Variants in CDH8 observed in about 807,000 individuals in gnomAD.
CDH8 encodes the protein cadherin-8.
CDH8 carries 17 observed loss-of-function variants against 68.1 expected under a neutral mutation model. That is an observed-to-expected ratio of 0.25 (90% CI 0.17 to 0.37). The LOEUF (loss-of-function observed/expected upper bound fraction) is 0.37. Among genes scored for constraint, CDH8 ranks in the 10% least tolerant of loss-of-function variants. CDH8 has a pLI of 1.00. For synonymous variants in CDH8, 372 were observed against 365.1 expected (o/e 1.02, Z -0.21); for missense variants, 763 against 999.3 (o/e 0.76, Z 3.19).
At chr16:61,857,421 G>C (rs1162141794) in intron 3 of CDH8, among the ~76,000 whole-genome samples, 183 bp from the exon 4 acceptor site, 1 of 152,098 alleles carries the variant, frequency 6.6e-6, no homozygotes, top group Admixed American at 6.6e-5. Flanking sequence ...TCTTTTAAAA[G>C]AAAGAGTCCT....
At chr16:61,659,491 A>G (rs1478882892) in intron 10 of CDH8, among the ~76,000 whole-genome samples, 1 of 152,172 alleles carries the variant, frequency 6.6e-6, no homozygotes, top group Non-Finnish European at 1.5e-5. Context: ...TTACTGTTCA[A>G]GCTAAGTTCT....
chr16:62,028,096 C>T (rs1370135354), intron 1 of CDH8, among the ~76,000 whole-genome samples: 4 of 135,508 alleles, frequency 3.0e-5, no homozygotes, highest in African/African-American at 1.1e-4. Flanking sequence ...TGGAGTTTCA[C>T]TCTTGTTGCC....
At position 61,648,080 on chromosome 16, in the gene CDH8, G is replaced by A. The variant is rs887502471; in HGVS notation, c.*5528C>T. 3 of 495,312 alleles carry A rather than the reference G, an allele frequency of 6.1e-6. No homozygotes were observed. The highest frequency in any genetic ancestry group is 7.2e-5 in the Admixed American group (2 of 27,966). 30.7% of individuals were successfully genotyped at this position (495,312 alleles called of 1,614,324 possible). ...GATGAAACTTCCACACATAAAGGAA[G>A]GAGGAGAATACATACAAAAACACTT... On this transcript the variant is annotated 3_prime_UTR_variant, in exon 12 of 12. Transcript: ENST00000577390.
intron 2 of CDH8, among the ~76,000 whole-genome samples, chr16:61,901,944 C>G (rs917970920): frequency 2.0e-5 from 3 of 152,078 alleles, no homozygotes; most frequent in Non-Finnish European, 4.4e-5. Flanking sequence ...CTGAACGAGG[C>G]ACATATTTAC....
intron 8 of CDH8, among the ~76,000 whole-genome samples, chr16:61,739,734 A>AAAAAAGAAAAGAAAAGAAAAG (rs771933210): frequency 1.4e-5 from 2 of 142,022 alleles, no homozygotes; most frequent in African/African-American, 5.2e-5. Flanking sequence ...CCTCAAAAAA[A>AAAAAAGAAAAGAAAAGAAAAG]AAAAGAAAAG....
chr16:61,801,420 G>A (rs1045780329), intron 7 of CDH8, among the ~76,000 whole-genome samples: 1 of 152,208 alleles, frequency 6.6e-6, no homozygotes, highest in Non-Finnish European at 1.5e-5. Context: ...GTGGATTTGG[G>A]AGCTGGACAG....
chr16:61,838,814 T>G (rs1474660380), intron 4 of CDH8, among the ~76,000 whole-genome samples: 1 of 152,162 alleles, frequency 6.6e-6, no homozygotes, highest in Non-Finnish European at 1.5e-5. Context: ...TCTTCAAATC[T>G]GACATTTATG....
chr16:61,745,028 T>A (rs957861250), intron 8 of CDH8, among the ~76,000 whole-genome samples: 1 of 151,388 alleles, frequency 6.6e-6, no homozygotes, highest in African/African-American at 2.4e-5. Context: ...GGTTTTCATT[T>A]TTTTTTTTTA....
intron 2 of CDH8, among the ~76,000 whole-genome samples, chr16:61,982,509 G>A (rs2150583587): frequency 6.6e-6 from 1 of 152,172 alleles, no homozygotes; most frequent in South Asian, 2.1e-4. Flanking sequence ...GTGAACCACC[G>A]CGCCCGGCTA....
intron 3 of CDH8, among the ~76,000 whole-genome samples, chr16:61,858,559 T>C (rs1457216992): frequency 9.9e-5 from 15 of 152,204 alleles, no homozygotes; most frequent in Non-Finnish European, 1.5e-5. Context: ...GACGATTTAA[T>C]GAGAAACAGC....
chr16:62,010,732 A>T (rs946231118), intron 2 of CDH8, among the ~76,000 whole-genome samples: 4 of 152,168 alleles, frequency 2.6e-5, no homozygotes, highest in Non-Finnish European at 5.9e-5. Flanking sequence ...TGAGGTTGGC[A>T]GTTCGAGACC....
intron 2 of CDH8, among the ~76,000 whole-genome samples, chr16:62,006,837 A>C (rs1018941882): frequency 6.6e-6 from 1 of 152,142 alleles, no homozygotes; most frequent in African/African-American, 2.4e-5. Context: ...TTTATACCCA[A>C]ATATACTAGA....
chr16:61,879,682 C>T (rs549207020), intron 3 of CDH8, among the ~76,000 whole-genome samples: 6 of 152,194 alleles, frequency 3.9e-5, no homozygotes, highest in Admixed American at 6.5e-5. Context: ...TCAGAGAGAA[C>T]GTTTCTCATT....
intron 4 of CDH8, among the ~76,000 whole-genome samples, chr16:61,830,252 C>A (rs1380608003): frequency 6.6e-6 from 1 of 151,658 alleles, no homozygotes; most frequent in East Asian, 1.9e-4. Context: ...TTTTAAAAAT[C>A]ATTGTTTGGT....
At chr16:61,660,359 C>T (rs140782913) in intron 10 of CDH8, among the ~76,000 whole-genome samples, 10 of 150,802 alleles carry the variant, frequency 6.6e-5, no homozygotes, top group Admixed American at 4.0e-4. Flanking sequence ...CTTGAATTGG[C>T]AAAAGAAATG....
At chr16:61,969,266 GAACATAACCAGA>G (rs1418756768) in intron 2 of CDH8, among the ~76,000 whole-genome samples, 1 of 152,178 alleles carries the variant, frequency 6.6e-6, no homozygotes, top group Non-Finnish European at 1.5e-5. Flanking sequence ...AGAACTTCGG[GAACATAACCAGA>G]AACAAGCACA....
chr16:61,747,115 C>T (rs923520130), intron 8 of CDH8, among the ~76,000 whole-genome samples: 4 of 152,080 alleles, frequency 2.6e-5, no homozygotes, highest in Admixed American at 1.3e-4. Context: ...TTATACATTA[C>T]TACTTCCTCT....
In CDH8 at chr16:61,966,397, G is replaced by A. The variant is rs141320213; in HGVS notation, c.252+54755C>T. 2.7e-3 allele frequency among the ~76,000 whole-genome samples: 417 copies of A among 152,190 alleles called. 5 individuals are homozygous for A. Among genetic ancestry groups the A allele is most frequent in the East Asian group, 1.4e-3 (7 of 5,148 alleles). ...TACTAAAAATACAAAAATTAGCTAG[G>A]TGTGGTGGTGTTCGCCTGTAGTCCC... is the stretch of plus-strand genomic sequence containing the variant. On this transcript the variant is annotated intron_variant, in intron 2 of 11. Coordinates refer to ENST00000577390, the MANE Select transcript of CDH8 (RefSeq NM_001796.5).
At chr16:61,813,100 A>C (rs1363931754) in intron 7 of CDH8, among the ~76,000 whole-genome samples, 1 of 152,206 alleles carries the variant, frequency 6.6e-6, no homozygotes, top group African/African-American at 2.4e-5. Flanking sequence ...GCAGATGAGC[A>C]AAGATCACAG....
Sources: gnomAD v4.1 joint callset for allele counts (sites outside exome capture counted in the v4.1 genomes callset) on GRCh38, gnomAD v4.1.1 for gene constraint, MANE v1.5 for transcripts, NCBI Gene and HGNC (gene_info 2026-07-23, HGNC 2026-07-21) for gene names.